The following PRPF8 variants were observed in gnomAD, a reference collection of about 807,000 sequenced individuals.
PRPF8 encodes pre-mRNA-processing-splicing factor 8.
PRPF8 carries 64 observed loss-of-function variants against 285.9 expected under a neutral mutation model. That is an observed-to-expected ratio of 0.22 (90% CI 0.18 to 0.28). The LOEUF is 0.28. Ranked by LOEUF, PRPF8 falls within the 10% of genes least tolerant of loss-of-function variation. The probability of loss-of-function intolerance (pLI) is 1.00; values close to 1 mark genes in which losing one functional copy is unlikely to be tolerated. For synonymous variants in PRPF8, 1,325 were observed against 1,118.2 expected, an observed-to-expected ratio of 1.18 and a Z score of -3.69; for missense variants, 1,426 against 3,026.7, an observed-to-expected ratio of 0.47 and a Z score of 12.41.
intron 24 of PRPF8, among the ~76,000 whole-genome samples, chr17:1,671,608 T>G (rs1485626942): frequency 6.6e-6 from 1 of 151,862 alleles, no homozygotes; most frequent in Non-Finnish European, 1.5e-5. Context: ...TCCCAGTACT[T>G]TGGGAGGCTG....
Position 1,676,336 on chromosome 17 carries a change from G to A in PRPF8, c.2423C>T (p.Ala808Val). ...CCAATGCACTGTGGTGGTATATACT[G>A]CCACTGCTTCCTCCGCTGTGATGTA... ...GPYITAEEAV[A>V]VYTTTVHWLE... Residue 808 changes from alanine to valine, a missense_variant, in exon 17 of 43, where the codon GCA (alanine) becomes GTA (valine). By Grantham distance (64) the Ala-to-Val change is moderately conservative. Coordinates refer to ENST00000304992, the MANE Select transcript of PRPF8 (RefSeq NM_006445.4). This position sits in a 1 kb window ranked among gnomAD's most constrained non-coding sequence, Gnocchi z 6.3. 1 of 1,614,154 alleles carries A rather than the reference G, an allele frequency of 6.2e-7. No homozygotes were observed. Among genetic ancestry groups the A allele is most frequent in the Non-Finnish European group, 8.5e-7 (1 of 1,180,038 alleles).
At chr17:1,667,893 G>C (rs1188873146) in intron 24 of PRPF8, among the ~76,000 whole-genome samples, 3 of 152,080 alleles carry the variant, frequency 2.0e-5, no homozygotes, top group Admixed American at 6.6e-5. Flanking sequence ...GCCTAAGCTG[G>C]TCTCAAATTC....
chr17:1,672,964 T>G (rs1912406637), intron 24 of PRPF8, 117 bp downstream of exon 24: 15 of 942,208 alleles, frequency 1.6e-5, no homozygotes, highest in South Asian at 2.6e-5. Context: ...GCATGGAAAC[T>G]GGCACACTAA....
At chr17:1,652,674 T>TA (rs1555550323) in intron 39 of PRPF8, 1 of 151,666 alleles carries the variant, frequency 6.6e-6, no homozygotes, top group African/African-American at 2.4e-5. Context: ...GCCTCCTGAG[T>TA]AGCTGAGATT....
chr17:1,678,907 G>A, intron 11 of PRPF8, 26 bp from the exon 12 acceptor site: 1 of 1,613,946 alleles, frequency 6.2e-7, no homozygotes, highest in Non-Finnish European at 8.5e-7. Flanking sequence ...AAAACAGACA[G>A]AACGTGAATG....
chr17:1,667,833 C>T (rs1464390406), intron 24 of PRPF8, among the ~76,000 whole-genome samples: 1 of 152,140 alleles, frequency 6.6e-6, no homozygotes, highest in Non-Finnish European at 1.5e-5. Flanking sequence ...TGAGCCACCG[C>T]ACCCGGCCTA....
At chr17:1,672,414 C>T (rs1036413935) in intron 24 of PRPF8, among the ~76,000 whole-genome samples, 2 of 152,056 alleles carry the variant, frequency 1.3e-5, no homozygotes, top group East Asian at 1.9e-4. Flanking sequence ...CAAGTAGCTG[C>T]GATTACAGGC....
Position 1,676,971 on chromosome 17 carries a change from C to A in PRPF8, c.2181+5G>T. 6.2e-7 allele frequency: 1 copy of A among 1,613,526 alleles called. No homozygotes were observed. The highest frequency in any genetic ancestry group is 8.5e-7 in the Non-Finnish European group (1 of 1,180,022). On this transcript the variant is annotated splice_donor_5th_base_variant and intron_variant, in intron 15 of 42. Transcript: ENST00000304992. The surrounding 1 kb of genome is among the most constrained non-coding windows in gnomAD (Gnocchi z 6.3). Reference sequence around the variant, plus strand: ...ACGCCTCCAAGGAAATAAAGAGACACCCACCTTCCAGGGAATGTTGGCTTT... The same window carrying A: ...ACGCCTCCAAGGAAATAAAGAGACAACCACCTTCCAGGGAATGTTGGCTTT...
chr17:1,664,863 A>G (rs1187469423), intron 24 of PRPF8, among the ~76,000 whole-genome samples: 2 of 152,136 alleles, frequency 1.3e-5, no homozygotes, highest in Non-Finnish European at 2.9e-5. Context: ...ACATATTAAA[A>G]TGTGAGGAAT....
intron 24 of PRPF8, among the ~76,000 whole-genome samples, chr17:1,662,725 C>T (rs151159868): frequency 1.7e-3 from 255 of 150,924 alleles, no homozygotes; most frequent in African/African-American, 5.8e-3. Context: ...AACATGAAAC[C>T]GTCTCTACTA....
intron 13 of PRPF8, 44 bp from the exon 14 acceptor site, chr17:1,677,738 T>C (rs1835370239): frequency 1.2e-6 from 2 of 1,613,170 alleles, no homozygotes; most frequent in Non-Finnish European, 1.7e-6. Flanking sequence ...TAGCAATGCA[T>C]TTAAACAACA....
In PRPF8 at chr17:1,655,208, T is replaced by A. The variant is rs944762362; in HGVS notation, c.5987+142A>T. On this transcript the variant is annotated intron_variant, in intron 37 of 42. Coordinates refer to ENST00000304992, the MANE Select transcript of PRPF8 (RefSeq NM_006445.4). Reference sequence around the variant, plus strand: ...CCTGACCTCAAATGATCTACCCACCTTGGCCTCCCAAAGTGCTGGGATTAC... The same window carrying A: ...CCTGACCTCAAATGATCTACCCACCATGGCCTCCCAAAGTGCTGGGATTAC... 12 of 859,642 alleles carry A rather than the reference T, an allele frequency of 1.4e-5. No individual in the cohort carries two copies. In the Admixed American group the frequency reaches 2.2e-4, roughly 16 times the overall value. 53.3% of individuals were successfully genotyped at this position (859,642 alleles called of 1,614,324 possible). A position where few individuals can be genotyped will look rare whatever the true frequency, so the allele number is the denominator to read the frequency against.
At chr17:1,683,940 G>A (rs557961873) in intron 2 of PRPF8, among the ~76,000 whole-genome samples, 1 of 149,948 alleles carries the variant, frequency 6.7e-6, no homozygotes, top group South Asian at 2.1e-4. Flanking sequence ...AGGCTGGAGT[G>A]CAATGGTGCG....
In PRPF8 at chr17:1,678,553, C is replaced by A; in HGVS notation, c.1819G>T (p.Asp607Tyr). Residue 607 changes from aspartate to tyrosine, a missense_variant, in exon 13 of 43, where the codon GAC (aspartate) becomes TAC (tyrosine). This residue lies in a region of PRPF8 where 69 missense variants were observed against 134.7 expected (regional missense o/e 0.51). Coordinates refer to ENST00000304992, the MANE Select transcript of PRPF8 (RefSeq NM_006445.4). ...KLMRQIRMCK[D>Y]LKHLIYYRFN... The stretch of plus-strand genomic sequence containing the variant: ...CGATAATAGATGAGATGCTTCAGGT[C>A]CTTGCACATGCGAATCTGTCGCATC... 1 of 1,614,228 alleles carries A rather than the reference C, an allele frequency of 6.2e-7. No homozygotes were observed. The highest frequency in any genetic ancestry group is 8.5e-7 in the Non-Finnish European group (1 of 1,180,046).
Position 1,673,817 on chromosome 17 carries a change from G to T in PRPF8, c.3375C>A (p.Ile1125=). 3 of 1,614,072 alleles carry T rather than the reference G, an allele frequency of 1.9e-6. No homozygotes were observed. The highest frequency in any genetic ancestry group is 2.5e-6 in the Non-Finnish European group (3 of 1,179,998). Residue 1125 remains isoleucine, a synonymous_variant, in exon 22 of 43, where the codon ATC becomes ATA. Transcript: ENST00000304992. This position sits in a 1 kb window ranked among gnomAD's most constrained non-coding sequence, Gnocchi z 5.5. The part of the protein sequence containing the change: ...TEHPDPNNEN[I]VGYNNKKCWP... The stretch of plus-strand genomic sequence containing the variant: ...AGCACTTCTTGTTATTATAGCCAAC[G>T]ATGTTTTCATTATTGGGGTCAGGGT...
At position 1,659,145 on chromosome 17, in the gene PRPF8, C is replaced by T. The variant is rs1911553602; in HGVS notation, c.5138+212G>A. 1 of 671,990 alleles carries T rather than the reference C, an allele frequency of 1.5e-6. No individual in the cohort carries two copies. The highest frequency in any genetic ancestry group is 2.4e-5 in the Admixed American group (1 of 41,858). The allele number at this position is 671,990 out of a possible 1,614,324, so 41.6% of individuals were successfully genotyped here. A position where few individuals can be genotyped will look rare whatever the true frequency, so the allele number is the denominator to read the frequency against. ...GGTTCAAGTAATTCTCCCACCTCAACCTTCTGAGTAGCTGGGACTACAGGC... is the reference window on the plus strand; with the variant it reads ...GGTTCAAGTAATTCTCCCACCTCAATCTTCTGAGTAGCTGGGACTACAGGC... On this transcript the variant is annotated intron_variant, in intron 32 of 42. Coordinates refer to ENST00000304992, the MANE Select transcript of PRPF8 (RefSeq NM_006445.4). The surrounding 1 kb of genome is among the most constrained non-coding windows in gnomAD (Gnocchi z 5.1).
At chr17:1,678,675 G>A in intron 12 of PRPF8, 23 bp from the exon 13 acceptor site, 1 of 1,614,134 alleles carries the variant, frequency 6.2e-7, no homozygotes, top group Non-Finnish European at 8.5e-7. Context: ...TGCCCCATCA[G>A]ACCTGGAGCT....
intron 3 of PRPF8, 100 bp downstream of exon 3, chr17:1,683,433 C>CCA (rs1913048448): frequency 1.5e-6 from 2 of 1,322,318 alleles, no homozygotes; most frequent in Non-Finnish European, 2.2e-6. Flanking sequence ...TCTCTTATAT[C>CCA]CACCAAGATG....
chr17:1,667,125 A>G (rs1336405105), intron 24 of PRPF8, among the ~76,000 whole-genome samples: 1 of 152,110 alleles, frequency 6.6e-6, no homozygotes, highest in Admixed American at 6.6e-5. Context: ...GTGAGCTGAA[A>G]TTGTGCCACT....
Sources: gnomAD v4.1 joint callset for allele counts (sites outside exome capture counted in the v4.1 genomes callset) on GRCh38, gnomAD v4.1.1 for gene constraint, gnomAD v4.1.1 regional missense constraint, Gnocchi (gnomAD v3.1) non-coding constraint, MANE v1.5 for transcripts, NCBI Gene and HGNC (gene_info 2026-07-23, HGNC 2026-07-21) for gene names.